SRGAP1: variants seen among roughly 807,000 people sequenced by gnomAD.
The protein encoded by SRGAP1 is SLIT-ROBO Rho GTPase-activating protein 1.
Under a neutral mutation model 121.9 loss-of-function variants are expected in SRGAP1, and 43 were observed. That is an observed-to-expected ratio of 0.35 (90% confidence interval 0.28 to 0.46). SRGAP1 has a LOEUF of 0.46. SRGAP1 is among the 20% of genes least tolerant of loss of function. SRGAP1 has a pLI of 1.00. For synonymous variants in SRGAP1, 447 were observed against 485.4 expected (o/e 0.92, Z 1.04); for missense variants, 1,102 against 1,350.9 (o/e 0.82, Z 2.89).
intron 1 of SRGAP1, among the ~76,000 whole-genome samples, chr12:63,954,313 G>T (rs1483086558): frequency 6.6e-6 from 1 of 152,102 alleles, no homozygotes; most frequent in Non-Finnish European, 1.5e-5. Context: ...AACTTTTCTT[G>T]CCCTAGCAAT....
intron 1 of SRGAP1, among the ~76,000 whole-genome samples, chr12:63,894,514 G>A (rs1900689545): frequency 6.6e-6 from 1 of 150,514 alleles, no homozygotes; most frequent in African/African-American, 2.4e-5. Context: ...GGGTACATGT[G>A]CACAACATGC....
Position 64,109,003 on chromosome 12 carries a change from A to G in SRGAP1, c.1885A>G (p.Ile629Val), listed in dbSNP as rs754999457. 1.9e-6 allele frequency: 3 copies of G among 1,592,926 alleles called. No individual in the cohort carries two copies. In the Admixed American group the frequency reaches 5.0e-5, roughly 27 times the overall value. ...LLLTLPRSVL[I>V]VMRYLFAFLN... The stretch of plus-strand genomic sequence containing the variant: ...CCTGACTTTGCCCAGGTCGGTCCTT[A>G]TAGTGATGAGGTACCTCTTTGCCTT... Residue 629 changes from isoleucine to valine, a missense_variant, in exon 16 of 22, where the codon ATA becomes GTA. Ile to Val is a conservative substitution (Grantham distance 29). Coordinates refer to ENST00000355086, the MANE Select transcript of SRGAP1 (RefSeq NM_020762.4).
intron 15 of SRGAP1, among the ~76,000 whole-genome samples, chr12:64,101,989 AC>A: frequency 6.6e-6 from 1 of 152,350 alleles, no homozygotes; most frequent in Middle Eastern, 3.4e-3. Flanking sequence ...AATATTGTCA[AC>A]CAAAATTCCA....
chr12:63,982,118 G>A (rs2033270215), intron 1 of SRGAP1, among the ~76,000 whole-genome samples: 1 of 152,102 alleles, frequency 6.6e-6, no homozygotes, highest in Non-Finnish European at 1.5e-5. Flanking sequence ...GGCTGAGACA[G>A]GAGAATGGCG....
At chr12:63,850,090 G>A (rs1418067159) in intron 1 of SRGAP1, among the ~76,000 whole-genome samples, 3 of 152,136 alleles carry the variant, frequency 2.0e-5, no homozygotes, top group African/African-American at 7.2e-5. Flanking sequence ...TCACAGGGTG[G>A]CCTTTAAGGT....
intron 17 of SRGAP1, among the ~76,000 whole-genome samples, chr12:64,114,086 A>G (rs1423185833): frequency 1.3e-5 from 2 of 152,136 alleles, no homozygotes; most frequent in Non-Finnish European, 2.9e-5. Context: ...TTAGTTGACT[A>G]TTTCCAGAAG....
chr12:63,967,315 A>T (rs973128149), intron 1 of SRGAP1, among the ~76,000 whole-genome samples: 5 of 152,120 alleles, frequency 3.3e-5, no homozygotes, highest in African/African-American at 1.2e-4. Flanking sequence ...GATGGCATGC[A>T]CCTATAGTCC....
chr12:63,855,473 G>GTT (rs781701925), intron 1 of SRGAP1, among the ~76,000 whole-genome samples: 2,919 of 53,020 alleles, frequency 0.055, 411 homozygotes, highest in Non-Finnish European at 0.07. Context: ...GAAAAATGGT[G>GTT]TTTTTTTTTT....
At chr12:64,071,554 G>A (rs892376473) in intron 8 of SRGAP1, among the ~76,000 whole-genome samples, 1 of 152,170 alleles carries the variant, frequency 6.6e-6, no homozygotes, top group Non-Finnish European at 1.5e-5. Flanking sequence ...GCATGTGCTT[G>A]TGAGAAATTG....
intron 21 of SRGAP1, among the ~76,000 whole-genome samples, chr12:64,140,242 T>G (rs1194711522): frequency 6.8e-6 from 1 of 147,408 alleles, no homozygotes; most frequent in Non-Finnish European, 1.5e-5. Context: ...TTTGGTTCCA[T>G]ATGAACCTGA....
intron 21 of SRGAP1, among the ~76,000 whole-genome samples, chr12:64,133,077 A>G (rs112013911): frequency 0.035 from 5,291 of 152,310 alleles, 328 homozygotes; most frequent in African/African-American, 0.12. Context: ...TCCAGAATCC[A>G]TCTGTCTTCT....
At chr12:63,961,221 C>A (rs2032631894) in intron 1 of SRGAP1, among the ~76,000 whole-genome samples, 1 of 152,224 alleles carries the variant, frequency 6.6e-6, no homozygotes, top group African/African-American at 2.4e-5. Flanking sequence ...CAGCCAGAGC[C>A]TACTGTACTG....
At chr12:64,043,356 T>C (rs866633899) in intron 5 of SRGAP1, 91 bp from the exon 6 acceptor site, 2 of 1,270,034 alleles carry the variant, frequency 1.6e-6, no homozygotes, top group African/African-American at 1.5e-5. Flanking sequence ...GAATAAATTG[T>C]TAAGGTTAAT....
At chr12:64,010,064 AC>A (rs1203647946) in intron 3 of SRGAP1, among the ~76,000 whole-genome samples, 3 of 152,176 alleles carry the variant, frequency 2.0e-5, no homozygotes, top group Non-Finnish European at 2.9e-5. Flanking sequence ...AAGCACACAT[AC>A]TGTGGAAGTA....
intron 6 of SRGAP1, among the ~76,000 whole-genome samples, chr12:64,057,165 TC>T (rs372922105): frequency 1.1e-4 from 17 of 149,368 alleles, no homozygotes; most frequent in African/African-American, 3.9e-4. Context: ...TGCAACTCAC[TC>T]CTCCTATTTG....
chr12:63,900,030 C>T (rs1900884503), intron 1 of SRGAP1, among the ~76,000 whole-genome samples: 1 of 152,016 alleles, frequency 6.6e-6, no homozygotes, highest in South Asian at 2.1e-4. Context: ...TGGGGGAGAG[C>T]ATGTAATAAA....
At chr12:64,034,755 A>T (rs915450917) in intron 4 of SRGAP1, among the ~76,000 whole-genome samples, 4 of 152,180 alleles carry the variant, frequency 2.6e-5, no homozygotes, top group African/African-American at 9.7e-5. Context: ...TTACTTGCCA[A>T]AGACCTCACA....
At chr12:64,069,154 T>C (rs1421255736) in intron 8 of SRGAP1, among the ~76,000 whole-genome samples, 1 of 152,176 alleles carries the variant, frequency 6.6e-6, no homozygotes, top group African/African-American at 2.4e-5. Flanking sequence ...AGACACAGAA[T>C]GTGTGCTTCC....
At chr12:64,072,936 C>T (rs943982287) in intron 8 of SRGAP1, among the ~76,000 whole-genome samples, 2 of 152,206 alleles carry the variant, frequency 1.3e-5, no homozygotes, top group Non-Finnish European at 2.9e-5. Flanking sequence ...TTCAAGCTAC[C>T]TGGGCAGCTC....
Sources: gnomAD v4.1 joint callset for allele counts (sites outside exome capture counted in the v4.1 genomes callset) on GRCh38, gnomAD v4.1.1 for gene constraint, MANE v1.5 for transcripts, NCBI Gene and HGNC (gene_info 2026-07-23, HGNC 2026-07-21) for gene names.